MAML1: variants seen among roughly 807,000 people sequenced by gnomAD.
MAML1 encodes the protein mastermind-like protein 1.
Under a neutral mutation model 77.1 loss-of-function variants are expected in MAML1, and 14 were observed. That is an observed-to-expected ratio of 0.18 (90% CI 0.12 to 0.28). MAML1 has a LOEUF of 0.28. Ranked by LOEUF, MAML1 falls within the 10% of genes least tolerant of loss-of-function variation. The pLI, the probability that MAML1 is intolerant of heterozygous loss-of-function variation, is 1.00. For synonymous variants in MAML1, 516 were observed against 551.9 expected (o/e 0.93, Z 0.91); for missense variants, 1,217 against 1,327.8 (o/e 0.92, Z 1.30).
Position 179,774,722 on chromosome 5 carries a change from G to A in MAML1, c.2896G>A (p.Ala966Thr), listed in dbSNP as rs761173578. Reference protein sequence around the residue: ...HCTQAYPVRTAGQELPFAYSG... With the variant: ...HCTQAYPVRTTGQELPFAYSG... ...CACCCAGGCCTACCCTGTGCGGACC[G>A]CGGGCCAGGAGCTGCCTTTTGCCTA... Residue 966 changes from alanine to threonine, a missense_variant, in exon 5 of 5, where the codon GCG (alanine) becomes ACG (threonine). This residue lies in a region of MAML1 where 884 missense variants were observed against 949.3 expected (regional missense o/e 0.93). Transcript: ENST00000292599. The A allele has an allele frequency of 2.6e-5, 42 of 1,611,262 alleles. No individual in the cohort carries two copies. The highest frequency in any genetic ancestry group is 4.0e-5 in the African/African-American group (3 of 75,068).
chr5:179,763,446 A>G (rs1779757286), intron 1 of MAML1, among the ~76,000 whole-genome samples: 1 of 100,374 alleles, frequency 1.0e-5, no homozygotes, highest in South Asian at 4.0e-4. Context: ...TTTGTCAGGC[A>G]TTCCTGCGAT....
At chr5:179,753,608 C>CG (rs1351894253) in intron 1 of MAML1, among the ~76,000 whole-genome samples, 26 of 144,818 alleles carry the variant, frequency 1.8e-4, no homozygotes, top group African/African-American at 3.8e-4. Flanking sequence ...TGAGATGAAT[C>CG]GGGGGGGAGA....
chr5:179,746,033 CAAA>C (rs35594249), intron 1 of MAML1, among the ~76,000 whole-genome samples: 1 of 139,098 alleles, frequency 7.2e-6, no homozygotes, highest in Non-Finnish European at 1.6e-5. Flanking sequence ...AACTCTGCCT[CAAA>C]AAAAAAAAAC....
chr5:179,755,357 A>T (rs1008401093), intron 1 of MAML1, among the ~76,000 whole-genome samples: 1 of 152,200 alleles, frequency 6.6e-6, no homozygotes, highest in Admixed American at 6.5e-5. Flanking sequence ...CTTTCACTGG[A>T]TACCTGTAAT....
intron 1 of MAML1, among the ~76,000 whole-genome samples, chr5:179,754,239 G>T (rs759576810): frequency 6.6e-6 from 1 of 151,994 alleles, no homozygotes; most frequent in African/African-American, 2.4e-5. Context: ...CTGAGATTGC[G>T]CCACTGCACT....
intron 1 of MAML1, among the ~76,000 whole-genome samples, chr5:179,760,093 GTCATC>G (rs141380486): frequency 0.015 from 2,284 of 152,256 alleles, 54 homozygotes; most frequent in African/African-American, 0.053. Flanking sequence ...TGTCATCTGA[GTCATC>G]ACTCAAGTGG....
Position 179,733,227 on chromosome 5 carries a change from G to T in MAML1, c.115G>T (p.Ala39Ser). The change falls in exon 1 of 5, where the codon GCC (alanine) becomes TCC (serine). Residue 39 changes from alanine (A) to serine (S), a missense_variant. Ala to Ser is a moderately conservative substitution (Grantham distance 99, BLOSUM62 1). This residue lies in a region of MAML1 where 312 missense variants were observed against 331.4 expected (regional missense o/e 0.94). Coordinates refer to ENST00000292599, the MANE Select transcript of MAML1 (RefSeq NM_014757.5). Reference protein sequence around the residue: ...LCRRHHSTCEARYEAVSPERL... With the variant: ...LCRRHHSTCESRYEAVSPERL... ...CCGGCGCCACCACAGCACCTGCGAGGCCCGCTACGAGGCCGTGTCGCCCGA... is the reference window on the plus strand; with the variant it reads ...CCGGCGCCACCACAGCACCTGCGAGTCCCGCTACGAGGCCGTGTCGCCCGA... 6.8e-7 allele frequency: 1 copy of T among 1,478,658 alleles called. No individual in the cohort carries two copies. Among genetic ancestry groups the T allele is most frequent in the Non-Finnish European group, 8.9e-7 (1 of 1,118,178 alleles). 91.6% of individuals were successfully genotyped at this position (1,478,658 alleles called of 1,614,324 possible). A position where few individuals can be genotyped will look rare whatever the true frequency, so the allele number is the denominator to read the frequency against.
intron 1 of MAML1, among the ~76,000 whole-genome samples, chr5:179,746,619 C>T (rs1029139199): frequency 2.2e-4 from 34 of 152,224 alleles, no homozygotes; most frequent in African/African-American, 7.2e-4. Context: ...GTAATTGGTC[C>T]ACCTCGGCCT....
intron 1 of MAML1, among the ~76,000 whole-genome samples, chr5:179,764,056 G>A (rs973013002): frequency 6.6e-6 from 1 of 152,116 alleles, no homozygotes; most frequent in Non-Finnish European, 1.5e-5. Flanking sequence ...AGTAGAAGGA[G>A]TCCGTCTTCT....
chr5:179,740,361 C>T (rs1416872639), intron 1 of MAML1, among the ~76,000 whole-genome samples: 1 of 152,164 alleles, frequency 6.6e-6, no homozygotes, highest in Non-Finnish European at 1.5e-5. Flanking sequence ...AGCTCCGCCT[C>T]CCGGGTTCAC....
chr5:179,760,340 G>A (rs1351923573), intron 1 of MAML1, among the ~76,000 whole-genome samples: 1 of 152,116 alleles, frequency 6.6e-6, no homozygotes, highest in Non-Finnish European at 1.5e-5. Context: ...TGTGGATGAT[G>A]GAGGAGATAA....
intron 3 of MAML1, among the ~76,000 whole-genome samples, chr5:179,770,143 CT>C (rs1755948530): frequency 6.6e-6 from 1 of 152,176 alleles, no homozygotes; most frequent in Admixed American, 6.5e-5. Flanking sequence ...GATCTACTTT[CT>C]GTCTCTATAA....
At chr5:179,763,361 A>G (rs1434314828) in intron 1 of MAML1, among the ~76,000 whole-genome samples, 2 of 152,186 alleles carry the variant, frequency 1.3e-5, no homozygotes, top group African/African-American at 4.8e-5. Flanking sequence ...GCATGAAAGT[A>G]AAGCAAACGT....
chr5:179,745,444 G>A (rs1378021415), intron 1 of MAML1, among the ~76,000 whole-genome samples: 5 of 151,856 alleles, frequency 3.3e-5, no homozygotes, highest in East Asian at 3.9e-4. Context: ...GGCTGGGCGC[G>A]GTGGCTCACG....
chr5:179,775,552 G>A lies in MAML1; in HGVS notation c.*675G>A. On this transcript the variant is annotated 3_prime_UTR_variant, in exon 5 of 5. Coordinates refer to ENST00000292599, the MANE Select transcript of MAML1 (RefSeq NM_014757.5). ...AAGGGACAGGAGGCATGGGATAGCA[G>A]GTCTGGTGACACAGCTAGGGTCTTC... The A allele has an allele frequency of 1.0e-6, 1 of 985,388 alleles. No homozygotes were observed. The highest frequency in any genetic ancestry group is 1.2e-6 in the Non-Finnish European group (1 of 829,912). 61.0% of individuals were successfully genotyped at this position (985,388 alleles called of 1,614,324 possible).
In MAML1 at chr5:179,764,896, G is replaced by A. The variant is rs188285763; in HGVS notation, c.316-430G>A. ...TGAGAATTGATTGAACTCAGGAGAC[G>A]GAGGTTGCAGTTAGCTGAGATTGTG... On this transcript the variant is annotated intron_variant, in intron 1 of 4. Transcript: ENST00000292599. 7.2e-5 allele frequency among the ~76,000 whole-genome samples: 11 copies of A among 152,210 alleles called. No individual in the cohort carries two copies. In the East Asian group the frequency reaches 1.7e-3, roughly 24 times the overall value.
intron 1 of MAML1, among the ~76,000 whole-genome samples, chr5:179,745,837 G>C (rs1453397263): frequency 8.3e-6 from 1 of 120,626 alleles, no homozygotes; most frequent in East Asian, 2.5e-4. Flanking sequence ...TCCAGCCTGA[G>C]CGACAGAGCG....
At chr5:179,772,809 C>T (rs987646814) in intron 4 of MAML1, among the ~76,000 whole-genome samples, 2 of 152,230 alleles carry the variant, frequency 1.3e-5, no homozygotes, top group African/African-American at 4.8e-5. Flanking sequence ...TGCCCTCCCT[C>T]ATCTCCGTGA....
chr5:179,766,649 C>G lies in MAML1; in HGVS notation c.1639C>G (p.Leu547Val). 6.2e-7 allele frequency: 1 copy of G among 1,612,172 alleles called. No homozygotes were observed. The highest frequency in any genetic ancestry group is 2.2e-5 in the East Asian group (1 of 44,834). ...CCTGATGGCTTATCTTCCCCAGCAG[C>G]TGTCCCATATAAGTCACGAGCAGAA... ...PALMAYLPQQ[L>V]SHISHEQNSL... is the part of the protein sequence containing the mutation. Residue 547 changes from leucine (L) to valine (V), a missense_variant, in exon 2 of 5, where the codon CTG (leucine) becomes GTG (valine). Leu to Val is a conservative substitution (Grantham distance 32). Coordinates refer to ENST00000292599, the MANE Select transcript of MAML1 (RefSeq NM_014757.5). This position sits in a 1 kb window ranked among gnomAD's most constrained non-coding sequence, Gnocchi z 4.0.
Sources: allele counts gnomAD v4.1 joint callset (sites outside exome capture counted in the v4.1 genomes callset), GRCh38; gene constraint gnomAD v4.1.1; regional missense constraint gnomAD v4.1.1; non-coding constraint Gnocchi (gnomAD v3.1); transcripts MANE v1.5; gene names NCBI Gene and HGNC (gene_info 2026-07-23, HGNC 2026-07-21).